The following UGT2B17 variants were observed in gnomAD, a reference collection of about 807,000 sequenced individuals.
The protein encoded by UGT2B17 is UDP-glucuronosyltransferase 2B17.
In UGT2B17, 21 loss-of-function variants were observed where a neutral mutation model predicts 48.2. The ratio of observed to expected loss-of-function variants is 0.44; its 90% CI spans 0.31 to 0.63. The LOEUF (loss-of-function observed/expected upper bound fraction) is 0.63, where lower values mean the gene tolerates loss of function less well. Among genes scored for constraint, UGT2B17 ranks in the 20% least tolerant of loss-of-function variants. The probability of loss-of-function intolerance (pLI) is 0.08; values close to 1 mark genes in which losing one functional copy is unlikely to be tolerated. For synonymous variants in UGT2B17, 146 were observed against 238.4 expected (o/e 0.61, Z 3.57); for missense variants, 402 against 696.1 (o/e 0.58, Z 4.75).
In UGT2B17 at chr4:68,551,430, C is replaced by A. The variant is rs1396812070; in HGVS notation, c.1093+394G>T. ...ATGATAAAGATTGGTGATTTATTCC[C>A]ACAGAAAATAGAGTCACTGGTAATA... On this transcript the variant is annotated intron_variant, in intron 5 of 6. Transcript: ENST00000317746. Among the ~76,000 whole-genome samples the A allele has an allele frequency of 1.0e-4, 13 of 124,094 alleles. 4 individuals are homozygous for A. The highest frequency in any genetic ancestry group is 7.9e-4 in the East Asian group (1 of 1,272). The allele number at this position is 124,094 out of a possible 152,430, so 81.4% of individuals were successfully genotyped here.
chr4:68,548,034 T>C (rs1212752402), intron 6 of UGT2B17, among the ~76,000 whole-genome samples: 1 of 126,790 alleles, frequency 7.9e-6, no homozygotes, highest in Non-Finnish European at 1.7e-5. Context: ...CTCAGGGATC[T>C]AGAACTAGAA....
chr4:68,546,218 T>G (rs1730802041), intron 6 of UGT2B17, among the ~76,000 whole-genome samples: 1 of 125,530 alleles, frequency 8.0e-6, no homozygotes. Flanking sequence ...ATCAAAAAGC[T>G]TATCCACCTT....
chr4:68,541,414 C>T lies in UGT2B17; in HGVS notation c.1314-3510G>A, dbSNP rs1367874047. ...TAATGATCAGTGATATTGAGCTTTT[C>T]TCATAAGTGTGTTGGCTGCATAAAT... is the stretch of plus-strand genomic sequence containing the variant. On this transcript the variant is annotated intron_variant, in intron 6 of 6. Coordinates refer to ENST00000317746, the MANE Select transcript of UGT2B17 (RefSeq NM_001077.4). 2.4e-5 allele frequency among the ~76,000 whole-genome samples: 3 copies of T among 126,346 alleles called. 1 individual carries two copies. Among genetic ancestry groups the T allele is most frequent in the Non-Finnish European group, 5.0e-5 (3 of 59,578 alleles). 82.9% of individuals were successfully genotyped at this position (126,346 alleles called of 152,430 possible).
chr4:68,569,159 C>T (rs1297501305), intron 1 of UGT2B17, among the ~76,000 whole-genome samples: 1 of 124,304 alleles, frequency 8.0e-6, no homozygotes, highest in Non-Finnish European at 1.7e-5. Flanking sequence ...CATGCAGAGG[C>T]TTGCATTGTG....
intron 6 of UGT2B17, among the ~76,000 whole-genome samples, chr4:68,538,738 A>G (rs79701129): frequency 0.037 from 4,732 of 126,454 alleles, 1,056 homozygotes; most frequent in African/African-American, 0.12. Flanking sequence ...AATAAAATCC[A>G]AATCTGTCTG....
chr4:68,562,313 C>G (rs574657890), intron 3 of UGT2B17, among the ~76,000 whole-genome samples: 1 of 124,388 alleles, frequency 8.0e-6, no homozygotes, highest in African/African-American at 2.8e-5. Context: ...ACAGGTTTCA[C>G]CATCTTGGCC....
chr4:68,564,920 C>G (rs1731170970), intron 3 of UGT2B17, among the ~76,000 whole-genome samples: 3 of 124,812 alleles, frequency 2.4e-5, no homozygotes, highest in Non-Finnish European at 5.1e-5. Context: ...GTTGCCCAGG[C>G]TGGTCTCAAA....
At position 68,549,508 on chromosome 4, in the gene UGT2B17, A is replaced by G. The variant is rs75179908; in HGVS notation, c.1313+1169T>C. Reference sequence around the variant, plus strand: ...TTCACAAGATTAAAATAGAAATTTTATCTAAGGAAGATGCATGAATGATCA... The same window carrying G: ...TTCACAAGATTAAAATAGAAATTTTGTCTAAGGAAGATGCATGAATGATCA... On this transcript the variant is annotated intron_variant, in intron 6 of 6. Transcript: ENST00000317746. Among the ~76,000 whole-genome samples the G allele has an allele frequency of 2.4e-5, 3 of 125,422 alleles. 1 individual carries two copies. Among genetic ancestry groups the G allele is most frequent in the African/African-American group, 8.2e-5 (3 of 36,542 alleles). 82.3% of individuals were successfully genotyped at this position (125,422 alleles called of 152,430 possible).
intron 6 of UGT2B17, among the ~76,000 whole-genome samples, chr4:68,544,597 T>G (rs1374184407): frequency 8.0e-6 from 1 of 125,410 alleles, no homozygotes; most frequent in African/African-American, 2.7e-5. Context: ...CATAACAATA[T>G]TAACCTTAAA....
rs896800398 is a variant in UGT2B17, at chr4:68,558,885, C to T, written c.1005+1652G>A. On this transcript the variant is annotated intron_variant, in intron 4 of 6. Coordinates refer to ENST00000317746, the MANE Select transcript of UGT2B17 (RefSeq NM_001077.4). ...TATCTGATTGCCTCCTTTGGAGAGCCTAATCAGAAGCTCAAAGGAATGCCT... is the reference window on the plus strand; with the variant it reads ...TATCTGATTGCCTCCTTTGGAGAGCTTAATCAGAAGCTCAAAGGAATGCCT... Among the ~76,000 whole-genome samples, 9 of 125,598 alleles carry T rather than the reference C, an allele frequency of 7.2e-5. 1 individual carries two copies. Among genetic ancestry groups the T allele is most frequent in the African/African-American group, 2.4e-4 (9 of 36,858 alleles). 82.4% of individuals were successfully genotyped at this position (125,598 alleles called of 152,430 possible).
rs1244459548 is a variant in UGT2B17 at position 68,570,177 on chromosome 4, G to A, written c.-64-1629C>T. The stretch of plus-strand genomic sequence containing the variant: ...GGCAAGCTACTGCCTTAAAATCCAA[G>A]CTCCTCAAGTGCGCAATTTTTGTCC... On this transcript the variant is annotated intron_variant, in intron 1 of 6. Coordinates refer to ENST00000317746, the MANE Select transcript of UGT2B17 (RefSeq NM_001077.4). Among the ~76,000 whole-genome samples the A allele has an allele frequency of 2.4e-5, 3 of 126,776 alleles. 1 individual carries two copies. Among genetic ancestry groups the A allele is most frequent in the Non-Finnish European group, 5.0e-5 (3 of 59,726 alleles). The allele number at this position is 126,776 out of a possible 152,430, so 83.2% of individuals were successfully genotyped here. A position where few individuals can be genotyped will look rare whatever the true frequency, so the allele number is the denominator to read the frequency against.
Position 68,551,060 on chromosome 4 carries a change from C to T in UGT2B17, c.1094-164G>A, listed in dbSNP as rs1377257734. Reference sequence around the variant, plus strand: ...CAAATTTCAGAGGAAGAAGCACCTACTTCTGCTGGAAAGGTAAGTGAAGGC... The same window carrying T: ...CAAATTTCAGAGGAAGAAGCACCTATTTCTGCTGGAAAGGTAAGTGAAGGC... On this transcript the variant is annotated intron_variant, in intron 5 of 6. Coordinates refer to ENST00000317746, the MANE Select transcript of UGT2B17 (RefSeq NM_001077.4). 2.4e-5 allele frequency among the ~76,000 whole-genome samples: 3 copies of T among 125,982 alleles called. 1 individual carries two copies. Among genetic ancestry groups the T allele is most frequent in the Non-Finnish European group, 5.0e-5 (3 of 59,448 alleles). 82.6% of individuals were successfully genotyped at this position (125,982 alleles called of 152,430 possible). A position where few individuals can be genotyped will look rare whatever the true frequency, so the allele number is the denominator to read the frequency against.
Position 68,551,892 on chromosome 4 carries a change from C to T in UGT2B17, c.1025G>A (p.Gly342Asp), listed in dbSNP as rs1471569928. ...IPQKVLWRFD[G>D]KKPNTLGSNT... ...GGAACCTAAAGTATTTGGCTTCTTGCCATCAAATCTCCATAGAACCTGTTA... is the reference window on the plus strand; with the variant it reads ...GGAACCTAAAGTATTTGGCTTCTTGTCATCAAATCTCCATAGAACCTGTTA... The change falls in exon 5 of 7, where the codon GGC becomes GAC. Residue 342 changes from glycine to aspartate, a missense_variant. Coordinates refer to ENST00000317746, the MANE Select transcript of UGT2B17 (RefSeq NM_001077.4). 7.4e-7 allele frequency: 1 copy of T among 1,360,442 alleles called. No homozygotes were observed. The highest frequency in any genetic ancestry group is 1.5e-5 in the African/African-American group (1 of 67,284). 84.3% of individuals were successfully genotyped at this position (1,360,442 alleles called of 1,614,324 possible). A position where few individuals can be genotyped will look rare whatever the true frequency, so the allele number is the denominator to read the frequency against.
At chr4:68,548,491 G>C (rs1233380627) in intron 6 of UGT2B17, among the ~76,000 whole-genome samples, 1 of 124,180 alleles carries the variant, frequency 8.1e-6, no homozygotes, top group Non-Finnish European at 1.7e-5. Context: ...CGAGTTAATG[G>C]GTGCAGCACA....
intron 4 of UGT2B17, among the ~76,000 whole-genome samples, chr4:68,552,214 G>A (rs1319594189): frequency 1.6e-5 from 2 of 126,612 alleles, no homozygotes; most frequent in Non-Finnish European, 3.4e-5. Context: ...AAAGGGAAAA[G>A]TTAAGCTGCT....
At chr4:68,566,238 G>A (rs1489583042) in intron 2 of UGT2B17, among the ~76,000 whole-genome samples, 1 of 121,204 alleles carries the variant, frequency 8.3e-6, no homozygotes, top group Admixed American at 8.7e-5. Flanking sequence ...TAATTTTTAT[G>A]TATTGCATAT....
chr4:68,572,544 A>C (rs891849059), intron 1 of UGT2B17, among the ~76,000 whole-genome samples: 2 of 126,648 alleles, frequency 1.6e-5, no homozygotes, highest in African/African-American at 5.4e-5. Context: ...GAAAGAGGGC[A>C]TATAGAACCA....
intron 6 of UGT2B17, among the ~76,000 whole-genome samples, chr4:68,544,649 C>T (rs1194390087): frequency 7.9e-6 from 1 of 125,800 alleles, no homozygotes; most frequent in Non-Finnish European, 1.7e-5. Flanking sequence ...CACAGACTGG[C>T]AAACTGGATC....
At chr4:68,545,028 T>TA (rs1730768740) in intron 6 of UGT2B17, among the ~76,000 whole-genome samples, 1 of 124,650 alleles carries the variant, frequency 8.0e-6, no homozygotes, top group African/African-American at 2.7e-5. Flanking sequence ...GAGAAAAAGT[T>TA]AACAAGGATA....
Sources: allele counts gnomAD v4.1 joint callset (sites outside exome capture counted in the v4.1 genomes callset), GRCh38; gene constraint gnomAD v4.1.1; transcripts MANE v1.5; gene names NCBI Gene and HGNC (gene_info 2026-07-23, HGNC 2026-07-21).